CDH4: variants seen among roughly 807,000 people sequenced by gnomAD.
The protein encoded by CDH4 is cadherin-4.
In CDH4, 33 loss-of-function variants were observed where a neutral mutation model predicts 86.0. The ratio of observed to expected loss-of-function variants is 0.38; its 90% CI spans 0.29 to 0.51. The LOEUF (loss-of-function observed/expected upper bound fraction) is 0.51. Ranked by LOEUF, CDH4 falls within the 20% of genes least tolerant of loss-of-function variation. CDH4 has a pLI of 0.86. For missense variants in CDH4, 1,114 were observed against 1,307.4 expected (o/e 0.85, Z 2.28); for synonymous variants, 555 against 549.4 (o/e 1.01, Z -0.14).
intron 2 of CDH4, among the ~76,000 whole-genome samples, chr20:61,661,271 C>T (rs983727496): frequency 2.6e-5 from 4 of 152,190 alleles, no homozygotes; most frequent in Admixed American, 6.5e-5. Context: ...CTCACCAGGC[C>T]ACCTCTGCAG....
rs1568828412 is a variant in CDH4 at position 61,810,496 on chromosome 20, G to A, written c.577-34172G>A. Among the ~76,000 whole-genome samples, 1 of 152,146 alleles carries A rather than the reference G, an allele frequency of 6.6e-6. No individual in the cohort carries two copies. Among genetic ancestry groups the A allele is most frequent in the Non-Finnish European group, 1.5e-5 (1 of 68,026 alleles). On this transcript the variant is annotated intron_variant, in intron 4 of 15. Coordinates refer to ENST00000614565, the MANE Select transcript of CDH4 (RefSeq NM_001794.5). This position sits in a 1 kb window ranked among gnomAD's most constrained non-coding sequence, Gnocchi z 4.3. ...CACTCTGCTCACCCGCAGTGGGAAG[G>A]AGCAAGGGAGCGTGTACGGGAACCA...
intron 2 of CDH4, chr20:61,719,738 TACG>T (rs949587412): frequency 4.6e-5 from 7 of 152,498 alleles, no homozygotes; most frequent in Non-Finnish European, 1.0e-4. Flanking sequence ...GTTAATATCA[TACG>T]ACAAGATGGG....
chr20:61,664,728 G>T (rs1305219288), intron 2 of CDH4, among the ~76,000 whole-genome samples: 2 of 152,248 alleles, frequency 1.3e-5, no homozygotes, highest in African/African-American at 2.4e-5. Flanking sequence ...CGTTGGCTCA[G>T]AGCCCAGGCT....
intron 2 of CDH4, among the ~76,000 whole-genome samples, chr20:61,560,890 C>T (rs1181458302): frequency 6.6e-6 from 1 of 152,216 alleles, no homozygotes; most frequent in Non-Finnish European, 1.5e-5. Context: ...ACCAGCCAAC[C>T]TCTTACTCTC....
intron 2 of CDH4, among the ~76,000 whole-genome samples, chr20:61,344,532 G>A (rs1278168074): frequency 1.3e-5 from 2 of 152,150 alleles, no homozygotes; most frequent in African/African-American, 4.8e-5. Flanking sequence ...TTTCATGAAT[G>A]GCCTCATGTA....
intron 2 of CDH4, among the ~76,000 whole-genome samples, chr20:61,672,058 T>C (rs2145846744): frequency 9.3e-6 from 1 of 108,012 alleles, no homozygotes; most frequent in Middle Eastern, 8.2e-3. Flanking sequence ...GATAAATAGA[T>C]GGATGGATGA....
chr20:61,802,781 G>A (rs1979899836), intron 4 of CDH4, among the ~76,000 whole-genome samples: 1 of 152,234 alleles, frequency 6.6e-6, no homozygotes, highest in African/African-American at 2.4e-5. Flanking sequence ...AGGAGAGGCT[G>A]GAGGAACCGG....
rs140630700 is a variant in CDH4, at chr20:61,545,150, A to T, written c.170-198413A>T. On this transcript the variant is annotated intron_variant, in intron 2 of 15. Transcript: ENST00000614565. ...AAACAGAAGATCCCAGAAGGCAGCA[A>T]GCTCTGCCACGCAGCATCGGGACAA... 2.7e-3 allele frequency among the ~76,000 whole-genome samples: 409 copies of T among 152,356 alleles called. 2 individuals are homozygous for T. Among genetic ancestry groups the T allele is most frequent in the Middle Eastern group, 0.02 (6 of 294 alleles).
intron 2 of CDH4, among the ~76,000 whole-genome samples, chr20:61,564,706 A>G (rs945241581): frequency 6.6e-5 from 10 of 152,190 alleles, no homozygotes; most frequent in Non-Finnish European, 1.0e-4. Flanking sequence ...TAGTAATGCA[A>G]GAACGGAGTA....
intron 2 of CDH4, among the ~76,000 whole-genome samples, chr20:61,700,460 C>G (rs907031849): frequency 1.3e-5 from 2 of 152,208 alleles, no homozygotes; most frequent in African/African-American, 4.8e-5. Context: ...CTTGGTCTTT[C>G]TTTACTCCAG....
At chr20:61,809,951 G>T (rs184748777) in intron 4 of CDH4, among the ~76,000 whole-genome samples, 41 of 152,298 alleles carry the variant, frequency 2.7e-4, no homozygotes, top group African/African-American at 9.1e-4. Flanking sequence ...AGGCAGTCAG[G>T]GGAGGAAGAT....
intron 4 of CDH4, among the ~76,000 whole-genome samples, chr20:61,773,534 C>T (rs77253500): frequency 0.037 from 5,568 of 152,218 alleles, 120 homozygotes; most frequent in Middle Eastern, 0.078. Flanking sequence ...ACTAAGATCC[C>T]GGATGATGGG....
At chr20:61,838,945 A>G (rs1982009654) in intron 4 of CDH4, among the ~76,000 whole-genome samples, 1 of 152,190 alleles carries the variant, frequency 6.6e-6, no homozygotes, top group African/African-American at 2.4e-5. Context: ...GGATGGGGCA[A>G]GACGGCCATG....
At chr20:61,653,904 G>A (rs1213283740) in intron 2 of CDH4, among the ~76,000 whole-genome samples, 1 of 124,312 alleles carries the variant, frequency 8.0e-6, no homozygotes, top group African/African-American at 2.7e-5. Flanking sequence ...TCCTAGATGG[G>A]ATGGCGGCCG....
chr20:61,917,242 G>A (rs1331546452), intron 9 of CDH4, among the ~76,000 whole-genome samples: 2 of 152,136 alleles, frequency 1.3e-5, no homozygotes, highest in African/African-American at 2.4e-5. Context: ...CAGCTTCTCC[G>A]CTCTCAGGTC....
Position 61,570,635 on chromosome 20 carries a change from T to C in CDH4, c.170-172928T>C. The C allele has an allele frequency of 4.3e-6, 3 of 702,236 alleles. No individual in the cohort carries two copies. The South Asian group carries it at 4.4e-5, about 10-fold the overall frequency. The allele number at this position is 702,236 out of a possible 1,614,324, so 43.5% of individuals were successfully genotyped here. A position where few individuals can be genotyped will look rare whatever the true frequency, so the allele number is the denominator to read the frequency against. ...GTGTGTTTGGGAATGGGACAGACAA[T>C]TTTGTTTTTCACAATGGTATTGGGC... On this transcript the variant is annotated intron_variant, in intron 2 of 15. Coordinates refer to ENST00000614565, the MANE Select transcript of CDH4 (RefSeq NM_001794.5).
At chr20:61,590,876 T>G (rs1315995965) in intron 2 of CDH4, among the ~76,000 whole-genome samples, 30 of 137,568 alleles carry the variant, frequency 2.2e-4, no homozygotes, top group East Asian at 4.5e-4. Context: ...CCTAAATCTA[T>G]GGGGGGGGGG....
rs371590837 is a variant in CDH4, at chr20:61,252,607, C to G, written c.57+37C>G. The G allele has an allele frequency of 0.024, 28,704 of 1,185,960 alleles. 415 individuals are homozygous for G. The highest frequency in any genetic ancestry group is 0.038 in the South Asian group (912 of 23,744). 73.5% of individuals were successfully genotyped at this position (1,185,960 alleles called of 1,614,324 possible). On this transcript the variant is annotated intron_variant, in intron 1 of 15. Coordinates refer to ENST00000614565, the MANE Select transcript of CDH4 (RefSeq NM_001794.5). This position sits in a 1 kb window ranked among gnomAD's most constrained non-coding sequence, Gnocchi z 4.4. ...CCTCCCGCCCCCGCCGTTCGGAAGC[C>G]CCGGGCAGCGGGAGGTCGTCCCCGG...
intron 2 of CDH4, among the ~76,000 whole-genome samples, chr20:61,387,769 G>C (rs566300535): frequency 1.3e-5 from 2 of 152,246 alleles, no homozygotes; most frequent in African/African-American, 4.8e-5. Context: ...TCACTCCACG[G>C]TGAAGCTTTT....
Sources: gnomAD v4.1 joint callset for allele counts (sites outside exome capture counted in the v4.1 genomes callset) on GRCh38, gnomAD v4.1.1 for gene constraint, Gnocchi (gnomAD v3.1) non-coding constraint, MANE v1.5 for transcripts, NCBI Gene and HGNC (gene_info 2026-07-23, HGNC 2026-07-21) for gene names.